Variants in TRPM3 observed in about 807,000 individuals in gnomAD.
TRPM3 encodes long transient receptor potential channel 3.
In TRPM3, 77 loss-of-function variants were observed where a neutral mutation model predicts 181.2. The ratio of observed to expected loss-of-function variants is 0.42; its 90% CI spans 0.35 to 0.51. TRPM3 has a LOEUF of 0.51. Among genes scored for constraint, TRPM3 ranks in the 20% least tolerant of loss-of-function variants. TRPM3 has a pLI of 0.01. For missense variants in TRPM3, 1,759 were observed against 2,196.7 expected, an observed-to-expected ratio of 0.80 and a Z score of 3.98; for synonymous variants, 745 against 796.4, an observed-to-expected ratio of 0.94 and a Z score of 1.09.
intron 1 of TRPM3, among the ~76,000 whole-genome samples, chr9:71,096,590 A>ACACACTCTCTCTCTCTCTCT (rs1452142664): frequency 1.7e-3 from 156 of 89,996 alleles, no homozygotes; most frequent in African/African-American, 7.5e-3. Context: ...ACACACACAC[A>ACACACTCTCTCTCTCTCTCT]CTCTCTCTCT....
At chr9:70,700,417 C>A (rs768299624) in intron 8 of TRPM3, among the ~76,000 whole-genome samples, 2 of 152,070 alleles carry the variant, frequency 1.3e-5, no homozygotes, top group Admixed American at 1.3e-4. Flanking sequence ...ATGGTGGAGG[C>A]CGGGATAGGG....
chr9:70,538,632 T>G (rs1022128652), intron 25 of TRPM3, among the ~76,000 whole-genome samples: 7 of 152,174 alleles, frequency 4.6e-5, no homozygotes, highest in African/African-American at 1.7e-4. Context: ...CTTGCTGTGT[T>G]GCCCAGGCTT....
intron 1 of TRPM3, among the ~76,000 whole-genome samples, chr9:71,088,924 T>G (rs1416739352): frequency 6.6e-6 from 1 of 151,554 alleles, no homozygotes; most frequent in Admixed American, 6.6e-5. Flanking sequence ...TAATGGAAAC[T>G]TGGGGTGGTG....
At chr9:70,580,433 A>AC (rs2055331104) in intron 22 of TRPM3, among the ~76,000 whole-genome samples, 1 of 151,990 alleles carries the variant, frequency 6.6e-6, no homozygotes, top group African/African-American at 2.4e-5. Flanking sequence ...CCCATCCCCA[A>AC]CCCCCACAAT....
intron 1 of TRPM3, among the ~76,000 whole-genome samples, chr9:70,940,020 T>C (rs1311978932): frequency 6.6e-6 from 1 of 152,206 alleles, no homozygotes. Flanking sequence ...ACTTTGGTTC[T>C]TGTTTGGGTG....
intron 1 of TRPM3, among the ~76,000 whole-genome samples, chr9:71,130,612 A>T (rs1038958830): frequency 6.6e-6 from 1 of 152,226 alleles, no homozygotes; most frequent in East Asian, 1.9e-4. Context: ...CCAAAGATGA[A>T]TTTGATTTAT....
intron 1 of TRPM3, among the ~76,000 whole-genome samples, chr9:71,314,230 T>C (rs926653742): frequency 4.6e-5 from 7 of 152,264 alleles, no homozygotes; most frequent in Non-Finnish European, 8.8e-5. Flanking sequence ...AGAACTCACT[T>C]ATACCTGTGA....
At chr9:71,164,164 G>A (rs1295554973) in intron 1 of TRPM3, among the ~76,000 whole-genome samples, 1 of 152,198 alleles carries the variant, frequency 6.6e-6, no homozygotes, top group Non-Finnish European at 1.5e-5. Flanking sequence ...AATTCATCAT[G>A]TCACCAGTTG....
chr9:70,962,830 T>C (rs1359640282), intron 1 of TRPM3, among the ~76,000 whole-genome samples: 4 of 152,170 alleles, frequency 2.6e-5, no homozygotes, highest in African/African-American at 7.2e-5. Context: ...AAAAGTGATT[T>C]TGAATACCAA....
chr9:71,222,145 T>A (rs201989869), intron 1 of TRPM3, among the ~76,000 whole-genome samples: 1 of 152,234 alleles, frequency 6.6e-6, no homozygotes, highest in East Asian at 1.9e-4. Flanking sequence ...ACACTGCTGA[T>A]AAATAGATAA....
At chr9:70,676,377 G>T (rs1015362805) in intron 9 of TRPM3, among the ~76,000 whole-genome samples, 2 of 152,164 alleles carry the variant, frequency 1.3e-5, no homozygotes, top group African/African-American at 2.4e-5. Context: ...TCACAGAAAG[G>T]GTCCAGAGAC....
chr9:71,385,145 T>A (rs1347717633), intron 1 of TRPM3, among the ~76,000 whole-genome samples: 1 of 152,122 alleles, frequency 6.6e-6, no homozygotes, highest in Admixed American at 6.6e-5. Flanking sequence ...AAAATCCCAA[T>A]GTCAGAAGTT....
intron 1 of TRPM3, among the ~76,000 whole-genome samples, chr9:71,260,078 C>T (rs1013239413): frequency 2.0e-5 from 3 of 152,050 alleles, no homozygotes; most frequent in Admixed American, 1.3e-4. Context: ...GGAAGGGGTC[C>T]AGTTTCAGTT....
intron 1 of TRPM3, among the ~76,000 whole-genome samples, chr9:70,986,740 G>A (rs532788594): frequency 1.8e-4 from 28 of 152,116 alleles, no homozygotes; most frequent in Middle Eastern, 3.2e-3. Context: ...AAATGTGAAT[G>A]TGCAAAAACA....
chr9:71,083,828 AG>A (rs921677665), intron 1 of TRPM3, among the ~76,000 whole-genome samples: 2 of 151,776 alleles, frequency 1.3e-5, no homozygotes, highest in Non-Finnish European at 2.9e-5. Flanking sequence ...AGAAACTGGC[AG>A]CCTGTATATA....
chr9:71,420,817 GAGAA>G (rs760576401), intron 1 of TRPM3, among the ~76,000 whole-genome samples: 44 of 3,060 alleles, frequency 0.014, 1 homozygote, highest in Non-Finnish European at 0.024. Flanking sequence ...GAAAGAAAGA[GAGAA>G]AGAGAGGGAA....
At chr9:70,949,148 G>A (rs1009646449) in intron 1 of TRPM3, among the ~76,000 whole-genome samples, 9 of 152,216 alleles carry the variant, frequency 5.9e-5, no homozygotes, top group African/African-American at 2.2e-4. Context: ...TGGGGTGAGG[G>A]AGGCAGTAAT....
chr9:70,666,521 T>C (rs987269853), intron 9 of TRPM3, among the ~76,000 whole-genome samples: 7 of 152,224 alleles, frequency 4.6e-5, no homozygotes, highest in African/African-American at 1.4e-4. Context: ...AGATTAGATA[T>C]AGGCCTAGAT....
At chr9:70,898,747 C>CAAAAAAAAAAA (rs34952516) in intron 1 of TRPM3, among the ~76,000 whole-genome samples, 5 of 93,324 alleles carry the variant, frequency 5.4e-5, no homozygotes, top group African/African-American at 4.2e-5. Context: ...GACTTCATCT[C>CAAAAAAAAAAA]AAAAAAAAAA....
Sources: allele counts gnomAD v4.1 joint callset (sites outside exome capture counted in the v4.1 genomes callset), GRCh38; gene constraint gnomAD v4.1.1; transcripts MANE v1.5; gene names NCBI Gene and HGNC (gene_info 2026-07-23, HGNC 2026-07-21).